Variants in FAM110D observed in about 807,000 individuals in gnomAD.
FAM110D encodes the protein family with sequence similarity 110 member D, also known as protein FAM110D.
For synonymous variants in FAM110D, 174 were observed against 189.4 expected (o/e 0.92, Z 0.67); for missense variants, 376 against 395.6 (o/e 0.95, Z 0.42).
At chr1:26,160,247 C>T (rs920749884) in intron 1 of FAM110D, among the ~76,000 whole-genome samples, 17 of 152,190 alleles carry the variant, frequency 1.1e-4, no homozygotes, top group Admixed American at 9.8e-4. Flanking sequence ...GTGTGCGCCA[C>T]CCCGCCTGGC....
In FAM110D at chr1:26,161,398, C is replaced by T; in HGVS notation, c.107C>T (p.Ala36Val). The T allele has an allele frequency of 1.3e-6, 2 of 1,598,014 alleles. No homozygotes were observed. Among genetic ancestry groups the T allele is most frequent in the East Asian group, 2.3e-5 (1 of 44,006 alleles). The stretch of plus-strand genomic sequence containing the variant: ...TATGTCAAGACGCACCAGGTGATAG[C>T]TAGGCGACAGGAGCCAGCCCTGCGT... Reference protein sequence around the residue: ...AKYVKTHQVIARRQEPALRGS... With the variant: ...AKYVKTHQVIVRRQEPALRGS... The change falls in exon 2 of 2, where the codon GCT becomes GTT. Residue 36 changes from alanine (A) to valine (V), a missense_variant. By Grantham distance (64) the Ala-to-Val change is moderately conservative. Transcript: ENST00000374268. The surrounding 1 kb of genome is among the most constrained non-coding windows in gnomAD (Gnocchi z 5.4).
chr1:26,161,406 C>A lies in FAM110D; in HGVS notation c.115C>A (p.Gln39Lys). The A allele has an allele frequency of 6.3e-7, 1 of 1,596,600 alleles. No individual in the cohort carries two copies. The highest frequency in any genetic ancestry group is 1.1e-5 in the South Asian group (1 of 88,434). The part of the protein sequence containing the change: ...VKTHQVIARR[Q>K]EPALRGSPGP... Reference sequence around the variant, plus strand: ...GACGCACCAGGTGATAGCTAGGCGACAGGAGCCAGCCCTGCGTGGGAGTCC... The same window carrying A: ...GACGCACCAGGTGATAGCTAGGCGAAAGGAGCCAGCCCTGCGTGGGAGTCC... The change falls in exon 2 of 2, where the codon CAG (glutamine) becomes AAG (lysine). Residue 39 changes from glutamine (Q) to lysine (K), a missense_variant. Coordinates refer to ENST00000374268, the MANE Select transcript of FAM110D (RefSeq NM_024869.3). The surrounding 1 kb of genome is among the most constrained non-coding windows in gnomAD (Gnocchi z 5.4).
Position 26,161,910 on chromosome 1 carries a change from G to A in FAM110D, c.619G>A (p.Asp207Asn). Residue 207 changes from aspartate (D) to asparagine (N), a missense_variant, in exon 2 of 2, where the codon GAC becomes AAC. Physicochemically the swap from Asp to Asn is conservative, Grantham distance 23. Transcript: ENST00000374268. The surrounding 1 kb of genome is among the most constrained non-coding windows in gnomAD (Gnocchi z 5.4). Reference sequence around the variant, plus strand: ...AACTTCGCCGCCGCCCGGCTCCGGGGACGCCAGCGACTGGACATCCAGCGA... The same window carrying A: ...AACTTCGCCGCCGCCCGGCTCCGGGAACGCCAGCGACTGGACATCCAGCGA... ...AGTSPPPGSG[D>N]ASDWTSSDRG... 8 of 1,420,130 alleles carry A rather than the reference G, an allele frequency of 5.6e-6. No individual in the cohort carries two copies. The highest frequency in any genetic ancestry group is 6.4e-6 in the Non-Finnish European group (7 of 1,094,678). The allele number at this position is 1,420,130 out of a possible 1,614,324, so 88.0% of individuals were successfully genotyped here. A position where few individuals can be genotyped will look rare whatever the true frequency, so the allele number is the denominator to read the frequency against.
Position 26,161,845 on chromosome 1 carries a change from C to A in FAM110D, c.554C>A (p.Ser185Tyr). ...GAGGTGCTGGGCGCAGAGCGCTTCT[C>A]CCCGCAGAGCTGGGGAGCCGACGCC... is the stretch of plus-strand genomic sequence containing the variant. ...LVEVLGAERF[S>Y]PQSWGADASP... is the part of the protein sequence containing the mutation. The change falls in exon 2 of 2, where the codon TCC becomes TAC. Residue 185 changes from serine to tyrosine, a missense_variant. Ser to Tyr is a moderately radical substitution (Grantham distance 144). Coordinates refer to ENST00000374268, the MANE Select transcript of FAM110D (RefSeq NM_024869.3). The surrounding 1 kb of genome is among the most constrained non-coding windows in gnomAD (Gnocchi z 5.4). 6.5e-7 allele frequency: 1 copy of A among 1,536,124 alleles called. No individual in the cohort carries two copies. The highest frequency in any genetic ancestry group is 2.5e-5 in the East Asian group (1 of 40,190).
chr1:26,162,190 C>T lies in FAM110D; in HGVS notation c.*83C>T. The T allele has an allele frequency of 1.2e-6, 1 of 867,202 alleles. No individual in the cohort carries two copies. Among genetic ancestry groups the T allele is most frequent in the Non-Finnish European group, 1.5e-6 (1 of 649,144 alleles). 53.7% of individuals were successfully genotyped at this position (867,202 alleles called of 1,614,324 possible). Reference sequence around the variant, plus strand: ...TCTTCTGGCGCGCTGGGTGCCTTTGCGTAAGCCCTTCCTTCTGGAACTCAG... The same window carrying T: ...TCTTCTGGCGCGCTGGGTGCCTTTGTGTAAGCCCTTCCTTCTGGAACTCAG... On this transcript the variant is annotated 3_prime_UTR_variant, in exon 2 of 2. Coordinates refer to ENST00000374268, the MANE Select transcript of FAM110D (RefSeq NM_024869.3). The surrounding 1 kb of genome is among the most constrained non-coding windows in gnomAD (Gnocchi z 5.3).
At chr1:26,160,682 G>A (rs1216966765) in intron 1 of FAM110D, among the ~76,000 whole-genome samples, 2 of 152,224 alleles carry the variant, frequency 1.3e-5, no homozygotes, top group African/African-American at 4.8e-5. Flanking sequence ...AGGGCCTGGG[G>A]ACCACCTCCC....
At chr1:26,160,452 C>G (rs1022709645) in intron 1 of FAM110D, among the ~76,000 whole-genome samples, 1 of 151,740 alleles carries the variant, frequency 6.6e-6, no homozygotes, top group Non-Finnish European at 1.5e-5. Flanking sequence ...AGGCAAGAAA[C>G]CTGGGTGACA....
chr1:26,161,513 C>G lies in FAM110D; in HGVS notation c.222C>G (p.Ser74Arg). 6.4e-7 allele frequency: 1 copy of G among 1,551,466 alleles called. No homozygotes were observed. Among genetic ancestry groups the G allele is most frequent in the Non-Finnish European group, 8.7e-7 (1 of 1,147,540 alleles). The change falls in exon 2 of 2, where the codon AGC becomes AGG. Residue 74 changes from serine to arginine, a missense_variant. By Grantham distance (110) the Ser-to-Arg change is moderately radical. Coordinates refer to ENST00000374268, the MANE Select transcript of FAM110D (RefSeq NM_024869.3). This position sits in a 1 kb window ranked among gnomAD's most constrained non-coding sequence, Gnocchi z 5.4. ...PRTPRPVRRG[S>R]GRRLPRPDSL... ...CGCCCAGGCCGGTCCGCCGGGGAAG[C>G]GGCAGGCGGCTGCCGAGGCCTGATT...
At chr1:26,159,536 G>A (rs1339630971) in intron 1 of FAM110D, among the ~76,000 whole-genome samples, 1 of 151,532 alleles carries the variant, frequency 6.6e-6, no homozygotes. Context: ...CTGCCAAGGA[G>A]ACTCCCTGGG....
chr1:26,160,673 G>A (rs2088357555), intron 1 of FAM110D, among the ~76,000 whole-genome samples: 1 of 152,258 alleles, frequency 6.6e-6, no homozygotes, highest in South Asian at 2.1e-4. Context: ...GTAGCTGATA[G>A]GGCCTGGGGA....
At position 26,162,102 on chromosome 1, in the gene FAM110D, G is replaced by A; in HGVS notation, c.811G>A (p.Val271Met). The change falls in exon 2 of 2, where the codon GTG becomes ATG. Residue 271 changes from valine to methionine, a missense_variant. By Grantham distance (21) the Val-to-Met change is conservative (BLOSUM62 1). Transcript: ENST00000374268. The surrounding 1 kb of genome is among the most constrained non-coding windows in gnomAD (Gnocchi z 5.3). The stretch of plus-strand genomic sequence containing the variant: ...CCGCGGACCGCCGCGCGAGTCCGAG[G>A]TGTGACCGCCGCGGCTCCGGACTGG... ...RARGPPRESE[V>M] 3 of 1,264,454 alleles carry A rather than the reference G, an allele frequency of 2.4e-6. No homozygotes were observed. Among genetic ancestry groups the A allele is most frequent in the Non-Finnish European group, 2.0e-6 (2 of 1,005,536 alleles). 78.3% of individuals were successfully genotyped at this position (1,264,454 alleles called of 1,614,324 possible).
In FAM110D at chr1:26,163,744, A is replaced by C. The variant is rs1221048965; in HGVS notation, c.*1637A>C. On this transcript the variant is annotated 3_prime_UTR_variant, in exon 2 of 2. Coordinates refer to ENST00000374268, the MANE Select transcript of FAM110D (RefSeq NM_024869.3). Reference sequence around the variant, plus strand: ...GCTCTGAGCTCCCAAGTACAGTCCTATTTTTGGGCCTCAATTTGTCACCTT... The same window carrying C: ...GCTCTGAGCTCCCAAGTACAGTCCTCTTTTTGGGCCTCAATTTGTCACCTT... 6.3e-6 allele frequency: 1 copy of C among 158,168 alleles called. No individual in the cohort carries two copies. The highest frequency in any genetic ancestry group is 1.4e-5 in the Non-Finnish European group (1 of 72,478). The allele number at this position is 158,168 out of a possible 1,614,324, so 9.8% of individuals were successfully genotyped here.
chr1:26,161,579 G>T lies in FAM110D; in HGVS notation c.288G>T (p.Ser96=). The stretch of plus-strand genomic sequence containing the variant: ...GCCAGAAGCGGGACTGCAAGGCTTC[G>T]GTGAACAAAGAGAACGCCAAGGGCC... The part of the protein sequence containing the change: ...FYRQKRDCKA[S]VNKENAKGQG... The change falls in exon 2 of 2, where the codon TCG becomes TCT. Residue 96 remains serine, a synonymous_variant. Transcript: ENST00000374268. This position sits in a 1 kb window ranked among gnomAD's most constrained non-coding sequence, Gnocchi z 5.4. 6.5e-7 allele frequency: 1 copy of T among 1,550,382 alleles called. No homozygotes were observed. The highest frequency in any genetic ancestry group is 8.7e-7 in the Non-Finnish European group (1 of 1,146,964).
intron 1 of FAM110D, among the ~76,000 whole-genome samples, chr1:26,159,499 C>T (rs1460466785): frequency 6.6e-6 from 1 of 151,844 alleles, no homozygotes; most frequent in African/African-American, 2.4e-5. Context: ...CAAGCAGTGC[C>T]TTCCTGGGAC....
At position 26,161,935 on chromosome 1, in the gene FAM110D, A is replaced by G; in HGVS notation, c.644A>G (p.Asp215Gly). The G allele has an allele frequency of 1.4e-6, 2 of 1,400,616 alleles. No homozygotes were observed. Among genetic ancestry groups the G allele is most frequent in the Non-Finnish European group, 1.8e-6 (2 of 1,086,244 alleles). 86.8% of individuals were successfully genotyped at this position (1,400,616 alleles called of 1,614,324 possible). A position where few individuals can be genotyped will look rare whatever the true frequency, so the allele number is the denominator to read the frequency against. Residue 215 changes from aspartate to glycine, a missense_variant, in exon 2 of 2, where the codon GAC (aspartate) becomes GGC (glycine). By Grantham distance (94) the Asp-to-Gly change is moderately conservative. Coordinates refer to ENST00000374268, the MANE Select transcript of FAM110D (RefSeq NM_024869.3). The surrounding 1 kb of genome is among the most constrained non-coding windows in gnomAD (Gnocchi z 5.4). ...SGDASDWTSS[D>G]RGVDSPGGAG... Reference sequence around the variant, plus strand: ...GACGCCAGCGACTGGACATCCAGCGACAGGGGCGTGGACAGCCCGGGCGGC... The same window carrying G: ...GACGCCAGCGACTGGACATCCAGCGGCAGGGGCGTGGACAGCCCGGGCGGC...
chr1:26,159,392 C>T (rs2088340109), intron 1 of FAM110D, among the ~76,000 whole-genome samples: 1 of 152,152 alleles, frequency 6.6e-6, no homozygotes, highest in Admixed American at 6.5e-5. Context: ...CTGTGGATGA[C>T]AGACTATTTT....
In FAM110D at chr1:26,162,151, G is replaced by C. The variant is rs2088377134; in HGVS notation, c.*44G>C. 8.5e-7 allele frequency: 1 copy of C among 1,181,986 alleles called. No homozygotes were observed. The highest frequency in any genetic ancestry group is 3.8e-5 in the South Asian group (1 of 26,102). 73.2% of individuals were successfully genotyped at this position (1,181,986 alleles called of 1,614,324 possible). ...GGCCCCGGGACTGGCCCCGGGCACG[G>C]AAAAGGACACCCCTCTTCTGGCGCG... On this transcript the variant is annotated 3_prime_UTR_variant, in exon 2 of 2. Transcript: ENST00000374268. This position sits in a 1 kb window ranked among gnomAD's most constrained non-coding sequence, Gnocchi z 5.3.
rs1481736935 is a variant in FAM110D, at chr1:26,162,169, C to A, written c.*62C>A. On this transcript the variant is annotated 3_prime_UTR_variant, in exon 2 of 2. Coordinates refer to ENST00000374268, the MANE Select transcript of FAM110D (RefSeq NM_024869.3). The surrounding 1 kb of genome is among the most constrained non-coding windows in gnomAD (Gnocchi z 5.3). The stretch of plus-strand genomic sequence containing the variant: ...GGGCACGGAAAAGGACACCCCTCTT[C>A]TGGCGCGCTGGGTGCCTTTGCGTAA... 4 of 1,062,950 alleles carry A rather than the reference C, an allele frequency of 3.8e-6. No homozygotes were observed. Among genetic ancestry groups the A allele is most frequent in the East Asian group, 6.7e-5 (2 of 29,804 alleles). 65.8% of individuals were successfully genotyped at this position (1,062,950 alleles called of 1,614,324 possible).
chr1:26,162,457 C>G lies in FAM110D; in HGVS notation c.*350C>G. ...CCCGTGGGTTTTGGAATGTGTGTTC[C>G]CGGCTGTGTGATCCTGGGCAAGAAC... On this transcript the variant is annotated 3_prime_UTR_variant, in exon 2 of 2. Transcript: ENST00000374268. The surrounding 1 kb of genome is among the most constrained non-coding windows in gnomAD (Gnocchi z 5.3). The G allele has an allele frequency of 4.9e-6, 1 of 203,244 alleles. No homozygotes were observed. Among genetic ancestry groups the G allele is most frequent in the Non-Finnish European group, 1.1e-5 (1 of 92,212 alleles). 12.6% of individuals were successfully genotyped at this position (203,244 alleles called of 1,614,324 possible). A position where few individuals can be genotyped will look rare whatever the true frequency, so the allele number is the denominator to read the frequency against.
Sources: allele counts gnomAD v4.1 joint callset (sites outside exome capture counted in the v4.1 genomes callset), GRCh38; gene constraint gnomAD v4.1.1; non-coding constraint Gnocchi (gnomAD v3.1); transcripts MANE v1.5; gene names NCBI Gene and HGNC (gene_info 2026-07-23, HGNC 2026-07-21).